COLEC11: variants seen among roughly 807,000 people sequenced by gnomAD.
COLEC11 encodes collectin-11.
COLEC11 carries 20 observed loss-of-function variants against 27.3 expected under a neutral mutation model. The observed-to-expected ratio is 0.73, with a 90% CI of 0.51 to 1.06. The LOEUF (loss-of-function observed/expected upper bound fraction) is 1.06, where lower values mean the gene tolerates loss of function less well. Ranked by LOEUF, COLEC11 falls within the 50% of genes least tolerant of loss-of-function variation. COLEC11 has a pLI of 0.00. For synonymous variants in COLEC11, 163 were observed against 154.7 expected, an observed-to-expected ratio of 1.05 and a Z score of -0.40; for missense variants, 310 against 383.0, an observed-to-expected ratio of 0.81 and a Z score of 1.59.
At chr2:3,620,028 TC>T (rs1184240273) in intron 3 of COLEC11, among the ~76,000 whole-genome samples, 4 of 152,254 alleles carry the variant, frequency 2.6e-5, no homozygotes, top group Non-Finnish European at 5.9e-5. Flanking sequence ...AATCTTTTTT[TC>T]TTGTATTGTT....
At chr2:3,613,198 G>T in intron 2 of COLEC11, 113 bp from the exon 3 acceptor site, 1 of 1,153,694 alleles carries the variant, frequency 8.7e-7, no homozygotes, top group Non-Finnish European at 1.3e-6. Context: ...GAAGGGGCTT[G>T]GCCACCTGCA....
At position 3,606,233 on chromosome 2, in the gene COLEC11, C is replaced by T. The variant is rs1411459364; in HGVS notation, c.130+1763C>T. On this transcript the variant is annotated intron_variant, in intron 2 of 6. Transcript: ENST00000349077. ...CGAGTCCCTACGGTTGTCTTCCCTG[C>T]GCCCTGCCAGGTCAGTAGCCTGCAC... 13 of 1,550,356 alleles carry T rather than the reference C, an allele frequency of 8.4e-6. No individual in the cohort carries two copies. The South Asian group carries it at 1.2e-4, about 14-fold the overall frequency.
intron 3 of COLEC11, among the ~76,000 whole-genome samples, chr2:3,615,998 C>T (rs1188446718): frequency 6.6e-6 from 1 of 151,406 alleles, no homozygotes; most frequent in Non-Finnish European, 1.5e-5. Flanking sequence ...CCTCACTTCT[C>T]AGACGGGGCG....
chr2:3,606,235 C>T lies in COLEC11; in HGVS notation c.130+1765C>T, dbSNP rs763512587. On this transcript the variant is annotated intron_variant, in intron 2 of 6. Transcript: ENST00000349077. ...AGTCCCTACGGTTGTCTTCCCTGCGCCCTGCCAGGTCAGTAGCCTGCACTG... is the reference window on the plus strand; with the variant it reads ...AGTCCCTACGGTTGTCTTCCCTGCGTCCTGCCAGGTCAGTAGCCTGCACTG... 56 of 1,550,308 alleles carry T rather than the reference C, an allele frequency of 3.6e-5. 1 individual carries two copies. The East Asian group carries it at 1.3e-3, about 37-fold the overall frequency.
At chr2:3,611,111 G>A (rs566783412) in intron 2 of COLEC11, among the ~76,000 whole-genome samples, 1 of 152,324 alleles carries the variant, frequency 6.6e-6, no homozygotes, top group East Asian at 1.9e-4. Context: ...AGCCACGAAG[G>A]CTTTGTTCCT....
chr2:3,617,486 G>T (rs1158743879), intron 3 of COLEC11: 33 of 1,393,100 alleles, frequency 2.4e-5, no homozygotes, highest in Non-Finnish European at 3.2e-5. Context: ...ACAGCTAAAA[G>T]AAGTAAAATA....
intron 3 of COLEC11, among the ~76,000 whole-genome samples, chr2:3,634,106 C>T (rs905352439): frequency 2.6e-4 from 40 of 152,128 alleles, no homozygotes; most frequent in African/African-American, 9.2e-4. Context: ...GTCACGGCTT[C>T]AACAGAGGAA....
rs1662285063 is a variant in COLEC11 at position 3,602,234 on chromosome 2, GGA to G, written c.-26-2076_-26-2075del. Among the ~76,000 whole-genome samples, 3 of 152,090 alleles carry G rather than the reference GGA, an allele frequency of 2.0e-5. No individual in the cohort carries two copies. Among genetic ancestry groups the G allele is most frequent in the Admixed American group, 6.5e-5 (1 of 15,274 alleles). ...GAGGGCCAGCTGGCTTGGAATTGTGGGAGAGAAAATGGAGGGTACCCTGACCC... is the reference window on the plus strand; with the variant it reads ...GAGGGCCAGCTGGCTTGGAATTGTGGGAGAAAATGGAGGGTACCCTGACCC... On this transcript the variant is annotated intron_variant, in intron 1 of 6. Coordinates refer to ENST00000349077, the MANE Select transcript of COLEC11 (RefSeq NM_024027.5). This position sits in a 1 kb window ranked among gnomAD's most constrained non-coding sequence, Gnocchi z 6.2.
intron 2 of COLEC11, among the ~76,000 whole-genome samples, chr2:3,612,495 AC>A (rs139224975): frequency 0.024 from 3,620 of 152,200 alleles, 146 homozygotes; most frequent in African/African-American, 0.081. Context: ...GTAGGGAAAG[AC>A]CGGGGTCCGA....
intron 2 of COLEC11, chr2:3,606,063 G>T: frequency 2.6e-6 from 4 of 1,548,042 alleles, no homozygotes; most frequent in Non-Finnish European, 3.5e-6. Context: ...AGAAGTTTTG[G>T]TGAAAGTGGC....
chr2:3,643,804 C>T lies in COLEC11; in HGVS notation c.502C>T (p.Leu168=). 2 of 1,613,564 alleles carry T rather than the reference C, an allele frequency of 1.2e-6. No individual in the cohort carries two copies. Among genetic ancestry groups the T allele is most frequent in the Non-Finnish European group, 1.7e-6 (2 of 1,179,950 alleles). ...KEEKRYADAQ[L]SCQGRGGTLS... ...GGAGAAGCGCTACGCGGACGCCCAG[C>T]TGTCCTGCCAGGGCCGCGGGGGCAC... Residue 168 remains leucine (L), a synonymous_variant, in exon 7 of 7, where the codon CTG becomes TTG. Coordinates refer to ENST00000349077, the MANE Select transcript of COLEC11 (RefSeq NM_024027.5).
chr2:3,626,089 C>G, intron 3 of COLEC11: 1 of 1,613,316 alleles, frequency 6.2e-7, no homozygotes, highest in Non-Finnish European at 8.5e-7. Context: ...AATGGGATCA[C>G]AGGGTAATGG....
intron 3 of COLEC11, among the ~76,000 whole-genome samples, chr2:3,622,625 A>G (rs921412326): frequency 1.3e-5 from 2 of 152,160 alleles, no homozygotes; most frequent in Non-Finnish European, 2.9e-5. Context: ...TTAATGGGTT[A>G]TTACAGGAGT....
chr2:3,619,218 T>C (rs1664004869), intron 3 of COLEC11, among the ~76,000 whole-genome samples: 3 of 152,038 alleles, frequency 2.0e-5, no homozygotes. Flanking sequence ...CTCTTTCCTT[T>C]TCTTTCCTTT....
chr2:3,640,091 T>C (rs1665737036), intron 4 of COLEC11, among the ~76,000 whole-genome samples, 187 bp from the exon 5 acceptor site: 1 of 152,196 alleles, frequency 6.6e-6, no homozygotes, highest in East Asian at 1.9e-4. Context: ...GACATGTATA[T>C]GGTTCGTATC....
chr2:3,613,980 C>CTTTTTTTTTTTTT (rs57071680), intron 3 of COLEC11, among the ~76,000 whole-genome samples: 3 of 131,130 alleles, frequency 2.3e-5, no homozygotes, highest in African/African-American at 5.8e-5. Flanking sequence ...TTCTTTCTTT[C>CTTTTTTTTTTTTT]TTTTTTTTTT....
chr2:3,615,886 G>A (rs1663666360), intron 3 of COLEC11, among the ~76,000 whole-genome samples: 1 of 134,946 alleles, frequency 7.4e-6, no homozygotes, highest in South Asian at 2.5e-4. Context: ...CGCGGCGGCT[G>A]GCCGGGCGGG....
Position 3,637,973 on chromosome 2 carries a change from C to T in COLEC11, c.274+369C>T, listed in dbSNP as rs115421878. ...GCGGACGCACCCTGCTCTGGAGGCA[C>T]GGCATCTGTTCCCCCAGCTCAGGTC... On this transcript the variant is annotated intron_variant, in intron 4 of 6. Transcript: ENST00000349077. 6.1e-3 allele frequency among the ~76,000 whole-genome samples: 923 copies of T among 152,272 alleles called. 10 individuals carry two copies. Among genetic ancestry groups the T allele is most frequent in the African/African-American group, 0.021 (878 of 41,560 alleles).
chr2:3,619,174 C>A (rs1411218574), intron 3 of COLEC11, among the ~76,000 whole-genome samples: 1 of 151,896 alleles, frequency 6.6e-6, no homozygotes, highest in Admixed American at 6.6e-5. Context: ...TCCCGCCTCC[C>A]TCCCTCCCTC....
Sources: allele counts gnomAD v4.1 joint callset (sites outside exome capture counted in the v4.1 genomes callset), GRCh38; gene constraint gnomAD v4.1.1; non-coding constraint Gnocchi (gnomAD v3.1); transcripts MANE v1.5; gene names NCBI Gene and HGNC (gene_info 2026-07-23, HGNC 2026-07-21).